The following ADAMTS12 variants were observed in gnomAD, a reference collection of about 807,000 sequenced individuals.
ADAMTS12 encodes the protein ADAM metallopeptidase with thrombospondin type 1 motif 12.
A neutral mutation model predicts 167.8 loss-of-function variants in ADAMTS12; 118 were observed. The ratio of observed to expected loss-of-function variants is 0.70; its 90% CI spans 0.61 to 0.82. The LOEUF is 0.82. ADAMTS12 is among the 40% of genes least tolerant of loss of function. The pLI is 0.00. For synonymous variants in ADAMTS12, 704 were observed against 716.9 expected (o/e 0.98, Z 0.29); for missense variants, 1,916 against 1,998.8 (o/e 0.96, Z 0.79).
chr5:33,592,359 T>A (rs920352877), intron 17 of ADAMTS12, among the ~76,000 whole-genome samples: 22 of 152,222 alleles, frequency 1.4e-4, no homozygotes, highest in Admixed American at 1.1e-3. Context: ...TGTCATTATT[T>A]TGTGGACTGA....
chr5:33,706,154 A>C (rs1283969455), intron 3 of ADAMTS12, among the ~76,000 whole-genome samples: 1 of 152,104 alleles, frequency 6.6e-6, no homozygotes, highest in Non-Finnish European at 1.5e-5. Flanking sequence ...GTCTTTTTGC[A>C]TGCTGTTTGT....
chr5:33,583,354 C>CCATG (rs1403635203), intron 18 of ADAMTS12, among the ~76,000 whole-genome samples: 3 of 152,162 alleles, frequency 2.0e-5, no homozygotes, highest in Non-Finnish European at 4.4e-5. Context: ...TAGTACTCCA[C>CCATG]CATGCATATG....
intron 3 of ADAMTS12, among the ~76,000 whole-genome samples, chr5:33,741,187 C>T (rs1178499007): frequency 6.6e-6 from 1 of 152,198 alleles, no homozygotes; most frequent in African/African-American, 2.4e-5. Flanking sequence ...CCAGTGGATG[C>T]TGTGTTCATC....
At chr5:33,698,001 C>T (rs1742848459) in intron 3 of ADAMTS12, among the ~76,000 whole-genome samples, 1 of 152,216 alleles carries the variant, frequency 6.6e-6, no homozygotes. Context: ...CAAGATGGAA[C>T]AGCCTTACTT....
At chr5:33,754,141 G>A (rs1445614092) in intron 2 of ADAMTS12, among the ~76,000 whole-genome samples, 2 of 152,158 alleles carry the variant, frequency 1.3e-5, no homozygotes, top group Non-Finnish European at 2.9e-5. Context: ...ACTGGAGCCA[G>A]GGTCATGCTA....
At chr5:33,697,442 G>A (rs1383332346) in intron 3 of ADAMTS12, among the ~76,000 whole-genome samples, 2 of 152,182 alleles carry the variant, frequency 1.3e-5, no homozygotes, top group African/African-American at 2.4e-5. Flanking sequence ...ATGAGTAAAA[G>A]CAACTTTACT....
At chr5:33,860,955 T>C (rs796893135) in intron 2 of ADAMTS12, among the ~76,000 whole-genome samples, 13 of 152,192 alleles carry the variant, frequency 8.5e-5, no homozygotes, top group African/African-American at 3.1e-4. Flanking sequence ...AAAGGAGAAA[T>C]AAAATCCTTT....
At chr5:33,718,413 C>T (rs1411596735) in intron 3 of ADAMTS12, among the ~76,000 whole-genome samples, 5 of 152,170 alleles carry the variant, frequency 3.3e-5, no homozygotes, top group Non-Finnish European at 7.4e-5. Flanking sequence ...GCTCTGCCTC[C>T]TATCAGATCA....
chr5:33,720,791 A>G (rs1312267211), intron 3 of ADAMTS12, among the ~76,000 whole-genome samples: 4 of 152,190 alleles, frequency 2.6e-5, no homozygotes, highest in African/African-American at 7.2e-5. Flanking sequence ...TGACAGTTTC[A>G]ACTAAAGCTT....
At position 33,615,977 on chromosome 5, in the gene ADAMTS12, CT is replaced by C; in HGVS notation, c.2238del (p.Asp747IlefsTer7). ...CCATTCAGGTAATATTTTTCAGGAT[CT>C]TCACTCCTGATGGCCAGGAAGTTTC... ...GAGNFLAIRS[E>X]DPEKYYLNGG... is the part of the protein sequence containing the mutation. On this transcript the variant is annotated frameshift_variant, in exon 15 of 24. Coordinates refer to ENST00000504830, the MANE Select transcript of ADAMTS12 (RefSeq NM_030955.4). LOFTEE classifies it high-confidence loss of function. The C allele has an allele frequency of 1.2e-6, 2 of 1,614,138 alleles. No individual in the cohort carries two copies. The highest frequency in any genetic ancestry group is 1.7e-6 in the Non-Finnish European group (2 of 1,180,012).
At chr5:33,861,036 T>C (rs1454178561) in intron 2 of ADAMTS12, among the ~76,000 whole-genome samples, 3 of 152,094 alleles carry the variant, frequency 2.0e-5, no homozygotes, top group Admixed American at 1.3e-4. Context: ...AAGGAAACAC[T>C]AAATATGGAA....
intron 23 of ADAMTS12, among the ~76,000 whole-genome samples, chr5:33,531,786 A>G (rs1744114014): frequency 6.6e-6 from 1 of 152,220 alleles, no homozygotes; most frequent in Non-Finnish European, 1.5e-5. Flanking sequence ...CATGAGATCA[A>G]GAGCCTTGCT....
At chr5:33,528,570 A>G (rs1013272054) in intron 23 of ADAMTS12, among the ~76,000 whole-genome samples, 1 of 152,240 alleles carries the variant, frequency 6.6e-6, no homozygotes, top group Non-Finnish European at 1.5e-5. Context: ...CTAGCAGACA[A>G]GTATTTTTTC....
intron 16 of ADAMTS12, among the ~76,000 whole-genome samples, chr5:33,611,229 A>C (rs58610120): frequency 0.04 from 6,131 of 152,316 alleles, 283 homozygotes; most frequent in African/African-American, 0.12. Context: ...AAAAGTATTT[A>C]ACCATATACA....
At chr5:33,825,609 G>C (rs1038488230) in intron 2 of ADAMTS12, among the ~76,000 whole-genome samples, 1 of 152,172 alleles carries the variant, frequency 6.6e-6, no homozygotes, top group African/African-American at 2.4e-5. Flanking sequence ...AAAACTATTT[G>C]ATCAAGGTAG....
At chr5:33,820,961 C>T (rs373902673) in intron 2 of ADAMTS12, among the ~76,000 whole-genome samples, 46 of 152,150 alleles carry the variant, frequency 3.0e-4, no homozygotes, top group South Asian at 8.3e-4. Flanking sequence ...ACATACACTG[C>T]GGCCTTTCAG....
At chr5:33,811,039 T>C (rs1747441366) in intron 2 of ADAMTS12, among the ~76,000 whole-genome samples, 1 of 152,194 alleles carries the variant, frequency 6.6e-6, no homozygotes, top group African/African-American at 2.4e-5. Flanking sequence ...TGGAGCCAAC[T>C]CCTTGAAGAC....
chr5:33,802,929 A>G (rs1350735562), intron 2 of ADAMTS12, among the ~76,000 whole-genome samples: 1 of 152,166 alleles, frequency 6.6e-6, no homozygotes, highest in Non-Finnish European at 1.5e-5. Context: ...GGAACTCTAC[A>G]TGCCAGACAA....
rs544157143 is a variant in ADAMTS12 at position 33,746,160 on chromosome 5, A to G, written c.634+5244T>C. ...GGCAATCAAGTAATCAAGAAATTCA[A>G]GACAAGACTCAGGCAGGTTGTGTCA... is the stretch of plus-strand genomic sequence containing the variant. On this transcript the variant is annotated intron_variant, in intron 3 of 23. Transcript: ENST00000504830. 3.3e-5 allele frequency among the ~76,000 whole-genome samples: 5 copies of G among 152,368 alleles called. No homozygotes were observed. In the East Asian group the frequency reaches 9.6e-4, roughly 29 times the overall value.
Sources: allele counts gnomAD v4.1 joint callset (sites outside exome capture counted in the v4.1 genomes callset), GRCh38; gene constraint gnomAD v4.1.1; transcripts MANE v1.5; gene names NCBI Gene and HGNC (gene_info 2026-07-23, HGNC 2026-07-21).